MED12L: variants seen among roughly 807,000 people sequenced by gnomAD.
MED12L encodes mediator complex subunit 12L.
A neutral mutation model predicts 281.3 loss-of-function variants in MED12L; 60 were observed. The ratio of observed to expected loss-of-function variants is 0.21; its 90% CI spans 0.17 to 0.26. MED12L has a LOEUF of 0.26. Among genes scored for constraint, MED12L ranks in the 10% least tolerant of loss-of-function variants. MED12L has a pLI of 1.00. For synonymous variants in MED12L, 974 were observed against 987.2 expected (o/e 0.99, Z 0.25); for missense variants, 2,146 against 2,680.9 (o/e 0.80, Z 4.41).
chr3:151,344,233 C>T (rs1752257169), intron 16 of MED12L, among the ~76,000 whole-genome samples: 1 of 151,722 alleles, frequency 6.6e-6, no homozygotes, highest in African/African-American at 2.4e-5. Context: ...ATTTAATATA[C>T]AAATGTAGTT....
At chr3:151,169,122 G>GTTTTTTTTTTTTTTTTTT (rs1179594098) in intron 11 of MED12L, among the ~76,000 whole-genome samples, 1 of 82,572 alleles carries the variant, frequency 1.2e-5, no homozygotes, top group Non-Finnish European at 2.6e-5. Flanking sequence ...TTTTTTTTTT[G>GTTTTTTTTTTTTTTTTTT]TTTTTTTTTT....
chr3:151,332,888 C>G lies in MED12L; in HGVS notation c.2251-17171C>G, dbSNP rs573390670. On this transcript the variant is annotated intron_variant, in intron 16 of 44. Coordinates refer to ENST00000687756, the MANE Select transcript of MED12L (RefSeq NM_001393769.1). ...GATAGGTAGTTTTTCAGTCCTTACC[C>G]TCCTCCCACCCACTACCCTCAATGT... 1.7e-3 allele frequency among the ~76,000 whole-genome samples: 261 copies of G among 152,210 alleles called. 2 individuals carry two copies. Among genetic ancestry groups the G allele is most frequent in the East Asian group, 5.0e-3 (26 of 5,172 alleles).
intron 16 of MED12L, among the ~76,000 whole-genome samples, chr3:151,311,119 C>G (rs1033277364): frequency 3.3e-5 from 5 of 152,120 alleles, no homozygotes; most frequent in African/African-American, 9.7e-5. Flanking sequence ...TGTTTAGTGC[C>G]TGTCTTATTT....
At chr3:151,113,162 A>G (rs1423557355) in intron 2 of MED12L, among the ~76,000 whole-genome samples, 1 of 152,222 alleles carries the variant, frequency 6.6e-6, no homozygotes, top group Non-Finnish European at 1.5e-5. Flanking sequence ...GGGTCATCAC[A>G]TTTCTCATTG....
intron 3 of MED12L, among the ~76,000 whole-genome samples, chr3:151,120,757 TTATTG>T (rs1713637364): frequency 6.6e-6 from 1 of 152,222 alleles, no homozygotes; most frequent in South Asian, 2.1e-4. Flanking sequence ...TCTTTACTTT[TTATTG>T]TATTTATGGA....
rs544243320 is a variant in MED12L, at chr3:151,244,891, AAGAG to A, written c.2250+51229_2250+51232del. ...CGCTAGCAAGACTAATAAAGAAAAA[AAGAG>A]AGAAGAATCTAATAGACCCAATAAA... On this transcript the variant is annotated intron_variant, in intron 16 of 44. Transcript: ENST00000687756. 2.9e-3 allele frequency among the ~76,000 whole-genome samples: 447 copies of A among 152,240 alleles called. 3 individuals are homozygous for A. Among genetic ancestry groups the A allele is most frequent in the African/African-American group, 0.01 (427 of 41,564 alleles).
At chr3:151,141,178 G>GTTTTTTTTTTTTTTTTTTTTTTTTTTTT (rs370095367) in intron 5 of MED12L, among the ~76,000 whole-genome samples, 10 of 102,230 alleles carry the variant, frequency 9.8e-5, no homozygotes, top group African/African-American at 3.8e-4. Context: ...TTTTTTTTTT[G>GTTTTTTTTTTTTTTTTTTTTTTTTTTTT]TTTTTTTTGT....
chr3:151,436,643 C>CA lies in MED12L; in HGVS notation c.*3845dup. The CA allele has an allele frequency of 1.4e-6, 2 of 1,394,310 alleles. No homozygotes were observed. Among genetic ancestry groups the CA allele is most frequent in the South Asian group, 1.4e-5 (1 of 72,052 alleles). The allele number at this position is 1,394,310 out of a possible 1,614,324, so 86.4% of individuals were successfully genotyped here. On this transcript the variant is annotated 3_prime_UTR_variant, in exon 45 of 45. Coordinates refer to ENST00000687756, the MANE Select transcript of MED12L (RefSeq NM_001393769.1). ...TGGCTGCCTTTGATTAAACTTCTTC[C>CA]AAAAAATAAATTCTGCCCAGATGTT... is the stretch of plus-strand genomic sequence containing the variant.
intron 5 of MED12L, among the ~76,000 whole-genome samples, chr3:151,149,535 G>A (rs970816265): frequency 2.0e-5 from 3 of 152,096 alleles, no homozygotes; most frequent in Admixed American, 6.6e-5. Context: ...TCTTGCCTCA[G>A]GGTTGATGGC....
At chr3:151,422,819 C>T (rs368425854) in intron 43 of MED12L, among the ~76,000 whole-genome samples, 121 of 130,962 alleles carry the variant, frequency 9.2e-4, no homozygotes, top group Middle Eastern at 7.6e-3. Context: ...TGATTCATTG[C>T]TTTTTTTTTT....
Position 151,433,427 on chromosome 3 carries a change from T to A in MED12L, c.*623T>A, listed in dbSNP as rs1242969380. The A allele has an allele frequency of 1.3e-5, 2 of 152,666 alleles. No homozygotes were observed. Among genetic ancestry groups the A allele is most frequent in the Non-Finnish European group, 2.9e-5 (2 of 68,064 alleles). The allele number at this position is 152,666 out of a possible 1,614,324, so 9.5% of individuals were successfully genotyped here. A position where few individuals can be genotyped will look rare whatever the true frequency, so the allele number is the denominator to read the frequency against. ...GTCAAAAGGTGCTGAAACAGATTGT[T>A]GCTTCGTACTTAAACTTCTTAAACC... On this transcript the variant is annotated 3_prime_UTR_variant, in exon 45 of 45. Transcript: ENST00000687756.
At chr3:151,348,603 C>A (rs1204660317) in intron 16 of MED12L, among the ~76,000 whole-genome samples, 5 of 148,374 alleles carry the variant, frequency 3.4e-5, no homozygotes, top group African/African-American at 1.0e-4. Flanking sequence ...CAAATTTGAA[C>A]ACCTGAAACA....
intron 16 of MED12L, chr3:151,336,589 ATG>A (rs1751023349): frequency 4.4e-6 from 2 of 454,434 alleles, no homozygotes; most frequent in Middle Eastern, 3.3e-4. Context: ...AAACTTCCAC[ATG>A]TGTTATATGT....
At chr3:151,195,914 G>A (rs1724585910) in intron 16 of MED12L, among the ~76,000 whole-genome samples, 2 of 152,158 alleles carry the variant, frequency 1.3e-5, no homozygotes, top group South Asian at 4.1e-4. Context: ...GAATTAAGGG[G>A]GGTGATAAAT....
intron 2 of MED12L, among the ~76,000 whole-genome samples, chr3:151,103,920 T>G (rs1474096580): frequency 6.6e-6 from 1 of 152,200 alleles, no homozygotes; most frequent in Non-Finnish European, 1.5e-5. Flanking sequence ...CCCTATAAAA[T>G]GGGACACATC....
At chr3:151,359,887 G>T (rs935727605) in intron 20 of MED12L, among the ~76,000 whole-genome samples, 5 of 152,144 alleles carry the variant, frequency 3.3e-5, no homozygotes, top group Admixed American at 3.3e-4. Context: ...ATAACTACAG[G>T]AGTTATACAG....
intron 6 of MED12L, among the ~76,000 whole-genome samples, chr3:151,157,212 C>T (rs560500490): frequency 1.7e-4 from 25 of 151,228 alleles, no homozygotes; most frequent in Non-Finnish European, 2.5e-4. Flanking sequence ...GGAAGAATTA[C>T]GTATTAGGAG....
chr3:151,244,905 T>A (rs572834086), intron 16 of MED12L, among the ~76,000 whole-genome samples: 13 of 151,910 alleles, frequency 8.6e-5, no homozygotes, highest in South Asian at 4.2e-4. Context: ...GAGAAGAATC[T>A]AATAGACCCA....
intron 43 of MED12L, among the ~76,000 whole-genome samples, chr3:151,418,431 G>A (rs1209407033): frequency 6.6e-6 from 1 of 151,896 alleles, no homozygotes; most frequent in Non-Finnish European, 1.5e-5. Context: ...CTTTTTACTC[G>A]CCTTCATCTA....
Sources: gnomAD v4.1 joint callset for allele counts (sites outside exome capture counted in the v4.1 genomes callset) on GRCh38, gnomAD v4.1.1 for gene constraint, MANE v1.5 for transcripts, NCBI Gene and HGNC (gene_info 2026-07-23, HGNC 2026-07-21) for gene names.